Variants in MDFIC observed in about 807,000 individuals in gnomAD.
MDFIC encodes myoD family inhibitor domain-containing protein.
In MDFIC, 17 loss-of-function variants were observed where a neutral mutation model predicts 23.2. The observed-to-expected ratio is 0.73, with a 90% CI of 0.50 to 1.10. The LOEUF is 1.10. Ranked by LOEUF, MDFIC falls within the 50% of genes least tolerant of loss-of-function variation. The pLI, the probability that MDFIC is intolerant of heterozygous loss-of-function variation, is 0.00. For missense variants in MDFIC, 356 were observed against 316.6 expected (o/e 1.12, Z -0.95); for synonymous variants, 120 against 115.2 (o/e 1.04, Z -0.27).
chr7:114,986,623 A>T (rs1330226677), intron 4 of MDFIC, among the ~76,000 whole-genome samples: 3 of 152,174 alleles, frequency 2.0e-5, no homozygotes. Flanking sequence ...ACACATGGTC[A>T]GGTGAAACAC....
intron 3 of MDFIC, among the ~76,000 whole-genome samples, chr7:114,945,249 ACTTTT>A (rs1165815562): frequency 6.6e-6 from 1 of 152,096 alleles, no homozygotes; most frequent in Non-Finnish European, 1.5e-5. Flanking sequence ...GGCTGTTTTT[ACTTTT>A]CTTTGCTGAG....
At chr7:114,985,400 GAT>G in intron 4 of MDFIC, among the ~76,000 whole-genome samples, 1 of 152,098 alleles carries the variant, frequency 6.6e-6, no homozygotes, top group East Asian at 1.9e-4. Flanking sequence ...ACAAGACAAA[GAT>G]AGTTTAGGGA....
chr7:114,954,350 AT>A (rs1283800187), intron 3 of MDFIC, among the ~76,000 whole-genome samples: 2 of 152,196 alleles, frequency 1.3e-5, no homozygotes, highest in African/African-American at 2.4e-5. Flanking sequence ...GAATCTGCAA[AT>A]GATCTTTCAT....
At chr7:114,971,820 ACT>A (rs2115919381) in intron 3 of MDFIC, among the ~76,000 whole-genome samples, 1 of 152,190 alleles carries the variant, frequency 6.6e-6, no homozygotes, top group South Asian at 2.1e-4. Context: ...TTTCTTTAAA[ACT>A]CTTATATTTG....
chr7:114,940,761 T>C (rs1430879145), intron 2 of MDFIC, among the ~76,000 whole-genome samples: 1 of 152,204 alleles, frequency 6.6e-6, no homozygotes, highest in African/African-American at 2.4e-5. Flanking sequence ...TGCCTAAACA[T>C]CTACTATGCA....
At chr7:114,996,027 C>T (rs542596442) in intron 4 of MDFIC, among the ~76,000 whole-genome samples, 22 of 152,304 alleles carry the variant, frequency 1.4e-4, no homozygotes, top group African/African-American at 5.3e-4. Context: ...AATCAAACAT[C>T]TCTAAGAACT....
At chr7:115,004,385 G>T (rs1051937720) in intron 4 of MDFIC, among the ~76,000 whole-genome samples, 8 of 152,164 alleles carry the variant, frequency 5.3e-5, no homozygotes, top group Admixed American at 4.6e-4. Flanking sequence ...GAGGCGAAAG[G>T]ATAGTCTGAA....
chr7:114,956,394 CAT>C (rs369743825), intron 3 of MDFIC, among the ~76,000 whole-genome samples: 17 of 150,044 alleles, frequency 1.1e-4, no homozygotes, highest in South Asian at 6.3e-4. Flanking sequence ...TATATACACA[CAT>C]ATATATATAT....
chr7:114,972,125 G>A (rs752086879), intron 3 of MDFIC, among the ~76,000 whole-genome samples: 1 of 152,066 alleles, frequency 6.6e-6, no homozygotes, highest in South Asian at 2.1e-4. Context: ...GTCCTAATGT[G>A]GGGGAGGGAG....
chr7:115,001,910 A>G (rs1280171056), intron 4 of MDFIC, among the ~76,000 whole-genome samples: 1 of 152,114 alleles, frequency 6.6e-6, no homozygotes, highest in African/African-American at 2.4e-5. Flanking sequence ...GCCAATGGGG[A>G]CAGATCACCT....
chr7:114,926,944 C>A (rs1179303018), intron 2 of MDFIC, among the ~76,000 whole-genome samples: 1 of 152,126 alleles, frequency 6.6e-6, no homozygotes, highest in African/African-American at 2.4e-5. Flanking sequence ...AATCCTGGTT[C>A]TCTACTGGGG....
chr7:115,013,933 A>C, intron 4 of MDFIC: 1 of 929,944 alleles, frequency 1.1e-6, no homozygotes. Flanking sequence ...GAAGACGGAG[A>C]GACCTGAAAA....
intron 3 of MDFIC, among the ~76,000 whole-genome samples, chr7:114,973,477 TAG>T (rs1793248629): frequency 6.6e-6 from 1 of 152,110 alleles, no homozygotes; most frequent in African/African-American, 2.4e-5. Context: ...CTCATTCCTT[TAG>T]AGAGAACGTA....
At chr7:114,941,400 C>G (rs1360677451) in intron 2 of MDFIC, among the ~76,000 whole-genome samples, 1 of 152,202 alleles carries the variant, frequency 6.6e-6, no homozygotes, top group Admixed American at 6.5e-5. Flanking sequence ...CATAGTACTT[C>G]ACAGTCCAGA....
chr7:114,949,788 C>T (rs1431878401), intron 3 of MDFIC, among the ~76,000 whole-genome samples: 1 of 26,280 alleles, frequency 3.8e-5, no homozygotes, highest in Non-Finnish European at 1.1e-4. Context: ...TAACACAAAC[C>T]CTAAATGTGG....
chr7:114,923,350 C>A (rs370850777), intron 2 of MDFIC: 2 of 1,260,150 alleles, frequency 1.6e-6, no homozygotes, highest in Non-Finnish European at 2.2e-6. Context: ...CTCCACTCCC[C>A]CTTCCTTTGG....
chr7:114,979,390 C>T (rs1448872853), intron 3 of MDFIC, 116 bp from the exon 4 acceptor site: 5 of 998,388 alleles, frequency 5.0e-6, no homozygotes, highest in Admixed American at 3.4e-5. Context: ...GTTGCCTCTT[C>T]AGTGTTAGTA....
intron 2 of MDFIC, chr7:114,923,372 C>G: frequency 7.3e-7 from 1 of 1,368,652 alleles, no homozygotes; most frequent in Middle Eastern, 1.8e-4. Context: ...TGCGAAGAAA[C>G]AGGATGACAG....
chr7:114,937,274 T>C (rs1031129373), intron 2 of MDFIC, among the ~76,000 whole-genome samples: 3 of 152,226 alleles, frequency 2.0e-5, no homozygotes, highest in Non-Finnish European at 4.4e-5. Context: ...TTCTGTAAGA[T>C]GGATAGTCAT....
Sources: allele counts gnomAD v4.1 joint callset (sites outside exome capture counted in the v4.1 genomes callset), GRCh38; gene constraint gnomAD v4.1.1; transcripts MANE v1.5; gene names NCBI Gene and HGNC (gene_info 2026-07-23, HGNC 2026-07-21).